The following CEP120 variants were observed in gnomAD, a reference collection of about 807,000 sequenced individuals.
The protein encoded by CEP120 is centrosomal protein 120, also known as centrosomal protein of 120 kDa.
A neutral mutation model predicts 126.5 loss-of-function variants in CEP120; 113 were observed. That is an observed-to-expected ratio of 0.89 (90% CI 0.77 to 1.04). The LOEUF (loss-of-function observed/expected upper bound fraction) is 1.04. CEP120 is among the 50% of genes least tolerant of loss of function. CEP120 has a pLI of 0.00. For synonymous variants in CEP120, 400 were observed against 394.3 expected (o/e 1.01, Z -0.17); for missense variants, 1,230 against 1,155.7 (o/e 1.06, Z -0.93).
intron 17 of CEP120, among the ~76,000 whole-genome samples, chr5:123,369,575 C>A (rs903239391): frequency 2.0e-5 from 3 of 151,980 alleles, no homozygotes; most frequent in Middle Eastern, 3.2e-3. Flanking sequence ...ACAATCCAGG[C>A]TTAACCTCAC....
chr5:123,346,494 C>A lies in CEP120; in HGVS notation c.*25G>T. On this transcript the variant is annotated 3_prime_UTR_variant, in exon 20 of 20. Transcript: ENST00000306467. ...AGAAATTAAAATTTAGACTTAGAGT[C>A]TCTATAAAGCTTTTCCAAATGTTAT... The A allele has an allele frequency of 6.7e-7, 1 of 1,486,658 alleles. No homozygotes were observed. The highest frequency in any genetic ancestry group is 1.2e-5 in the South Asian group (1 of 81,992). The allele number at this position is 1,486,658 out of a possible 1,614,324, so 92.1% of individuals were successfully genotyped here.
chr5:123,422,375 T>C (rs771110696), intron 1 of CEP120: 5 of 827,306 alleles, frequency 6.0e-6, no homozygotes, highest in Non-Finnish European at 9.6e-6. Context: ...CTTAGCTTTT[T>C]AGAATCAGGA....
intron 17 of CEP120, among the ~76,000 whole-genome samples, chr5:123,367,128 G>A (rs868070415): frequency 5.3e-5 from 8 of 151,754 alleles, no homozygotes; most frequent in South Asian, 2.1e-4. Flanking sequence ...ATTACTTTAC[G>A]AACTCTTTAA....
chr5:123,388,742 T>A (rs140312336), intron 8 of CEP120, 136 bp from the exon 9 acceptor site: 1 of 583,484 alleles, frequency 1.7e-6, no homozygotes, highest in Non-Finnish European at 2.7e-6. Context: ...AACATATGAA[T>A]TGAGGTATAA....
intron 18 of CEP120, among the ~76,000 whole-genome samples, chr5:123,354,726 G>GTAT (rs1305010150): frequency 6.6e-6 from 1 of 151,350 alleles, no homozygotes; most frequent in East Asian, 1.9e-4. Context: ...CTCTTACTTA[G>GTAT]TATTATTGTA....
At chr5:123,399,667 T>C (rs1455633482) in intron 4 of CEP120, among the ~76,000 whole-genome samples, 3 of 151,982 alleles carry the variant, frequency 2.0e-5, no homozygotes, top group African/African-American at 7.3e-5. Flanking sequence ...GAAGGGACAG[T>C]ATGTACAAAA....
intron 2 of CEP120, 92 bp downstream of exon 2, chr5:123,418,267 G>C (rs1774499134): frequency 1.7e-6 from 2 of 1,181,494 alleles, no homozygotes; most frequent in Admixed American, 5.6e-5. Context: ...AATACTTCTG[G>C]TCCCAAGTAT....
rs115233545 is a variant in CEP120, at chr5:123,412,046, T to C, written c.463+353A>G. The stretch of plus-strand genomic sequence containing the variant: ...AGTTTATTAATTAAAAAAGAAAAAA[T>C]ATAAAGGTTTTGTTAACCTACAGTT... On this transcript the variant is annotated intron_variant, in intron 4 of 19. Transcript: ENST00000306467. Among the ~76,000 whole-genome samples the C allele has an allele frequency of 7.3e-3, 1,108 of 152,138 alleles. 12 individuals carry two copies. The highest frequency in any genetic ancestry group is 0.026 in the African/African-American group (1,068 of 41,504).
chr5:123,381,653 T>G (rs1341493779), intron 14 of CEP120, among the ~76,000 whole-genome samples: 1 of 152,106 alleles, frequency 6.6e-6, no homozygotes, highest in Non-Finnish European at 1.5e-5. Flanking sequence ...TTCTATTAAC[T>G]TACAGATTAT....
At chr5:123,387,895 C>A (rs1772130032) in intron 9 of CEP120, among the ~76,000 whole-genome samples, 1 of 151,936 alleles carries the variant, frequency 6.6e-6, no homozygotes, top group African/African-American at 2.4e-5. Flanking sequence ...AATGTAGACA[C>A]ATTCCACTTA....
At chr5:123,404,257 C>G (rs7716119) in intron 4 of CEP120, among the ~76,000 whole-genome samples, 66,984 of 151,982 alleles carry the variant, frequency 0.44, 14,703 homozygotes, top group East Asian at 0.48. Flanking sequence ...AATAATAAAG[C>G]CTCTAGAATC....
intron 17 of CEP120, among the ~76,000 whole-genome samples, chr5:123,367,381 A>G (rs1770539948): frequency 6.6e-6 from 1 of 151,870 alleles, no homozygotes; most frequent in Non-Finnish European, 1.5e-5. Context: ...TTCATTTTTT[A>G]AAGTCCCAAT....
chr5:123,347,691 G>A (rs1768928285), intron 19 of CEP120, among the ~76,000 whole-genome samples: 1 of 152,100 alleles, frequency 6.6e-6, no homozygotes, highest in African/African-American at 2.4e-5. Context: ...TGTCGCCCAG[G>A]CTGGAGTGCA....
At chr5:123,353,252 CTT>C (rs565420182) in intron 18 of CEP120, among the ~76,000 whole-genome samples, 48 of 151,810 alleles carry the variant, frequency 3.2e-4, no homozygotes, top group Non-Finnish European at 6.6e-4. Flanking sequence ...TGTAAAAACT[CTT>C]TATTAGATTA....
intron 18 of CEP120, among the ~76,000 whole-genome samples, chr5:123,354,690 A>G (rs1257585696): frequency 6.6e-6 from 1 of 152,058 alleles, no homozygotes; most frequent in Non-Finnish European, 1.5e-5. Flanking sequence ...GGTTTGCCTA[A>G]TATTAAGTAT....
intron 18 of CEP120, among the ~76,000 whole-genome samples, chr5:123,360,220 A>C (rs1314617078): frequency 6.6e-6 from 1 of 152,034 alleles, no homozygotes; most frequent in African/African-American, 2.4e-5. Context: ...TTTAAGGAAA[A>C]GAAATTGAGT....
In CEP120 at chr5:123,382,969, C is replaced by A; in HGVS notation, c.1860+17G>T. On this transcript the variant is annotated intron_variant, in intron 12 of 19. Transcript: ENST00000306467. ...ATTCCTTTTAAAAAAAATTTGATAA[C>A]ATTCAATTATATTTACCTGAGATGA... 1 of 1,595,892 alleles carries A rather than the reference C, an allele frequency of 6.3e-7. No homozygotes were observed. Among genetic ancestry groups the A allele is most frequent in the Non-Finnish European group, 8.5e-7 (1 of 1,169,910 alleles).
chr5:123,395,286 A>T (rs1339573957), intron 5 of CEP120, among the ~76,000 whole-genome samples: 2 of 152,188 alleles, frequency 1.3e-5, no homozygotes, highest in Admixed American at 1.3e-4. Context: ...GATTGTCACT[A>T]GCCGGCCTTC....
intron 18 of CEP120, among the ~76,000 whole-genome samples, chr5:123,355,083 G>T (rs1157098887): frequency 6.6e-6 from 1 of 151,900 alleles, no homozygotes; most frequent in East Asian, 1.9e-4. Flanking sequence ...ATGGTTTCCA[G>T]TTTCATCCAT....
Sources: gnomAD v4.1 joint callset for allele counts (sites outside exome capture counted in the v4.1 genomes callset) on GRCh38, gnomAD v4.1.1 for gene constraint, MANE v1.5 for transcripts, NCBI Gene and HGNC (gene_info 2026-07-23, HGNC 2026-07-21) for gene names.